POU5F1B: variants seen among roughly 807,000 people sequenced by gnomAD.
POU5F1B encodes the protein POU domain, class 5, transcription factor 1B.
A neutral mutation model predicts 28.1 loss-of-function variants in POU5F1B; 24 were observed. The observed-to-expected ratio is 0.85, with a 90% CI of 0.62 to 1.20. POU5F1B has a LOEUF of 1.20. Among genes scored for constraint, POU5F1B ranks in the 50% most tolerant of loss-of-function variants. The pLI, the probability that POU5F1B is intolerant of heterozygous loss-of-function variation, is 0.00. For missense variants in POU5F1B, 451 were observed against 451.5 expected, an observed-to-expected ratio of 1.00 and a Z score of 0.01; for synonymous variants, 220 against 193.2, an observed-to-expected ratio of 1.14 and a Z score of -1.15.
chr8:127,414,043 G>A (rs1044504739), intron 1 of POU5F1B, among the ~76,000 whole-genome samples: 19 of 152,196 alleles, frequency 1.2e-4, no homozygotes, highest in African/African-American at 4.6e-4. Flanking sequence ...ACAGAATTGA[G>A]CAGAAAGTTA....
chr8:127,416,721 G>A (rs1250286478), exon 3 of POU5F1B: 2 of 1,609,684 alleles, frequency 1.2e-6, no homozygotes, highest in Non-Finnish European at 8.5e-7. Context: ...AGAAGGGCAA[G>A]CGATCAAGCA....
rs1282074605 is a variant in POU5F1B, at chr8:127,415,998, G to A, written c.132G>A (p.Gly44=). ...TAAGCTTCCAAGGCCCTCCTGGAGG[G>A]CCAGGAATCGGGCCGGGGGTTGGGC... Residue 44 remains glycine (G), a synonymous_variant, in exon 3 of 3, where the codon GGG becomes GGA. Transcript: ENST00000465342. 3.1e-6 allele frequency: 5 copies of A among 1,592,620 alleles called. No homozygotes were observed. The African/African-American group carries it at 4.0e-5, about 13-fold the overall frequency.
chr8:127,416,555 G>C (rs1169220192), exon 3 of POU5F1B: 7 of 1,606,034 alleles, frequency 4.4e-6, no homozygotes, highest in Non-Finnish European at 6.0e-6. Flanking sequence ...ATGCAGGCCC[G>C]AAAGAGAAAG....
chr8:127,417,075 G>A, exon 3 of POU5F1B: 3 of 1,316,788 alleles, frequency 2.3e-6, no homozygotes, highest in Non-Finnish European at 3.1e-6. Flanking sequence ...AACACTAAGG[G>A]TGGGGGCAGG....
At chr8:127,416,029 T>A in exon 3 of POU5F1B, 1 of 1,604,412 alleles carries the variant, frequency 6.2e-7, no homozygotes, top group Non-Finnish European at 8.5e-7. Flanking sequence ...TGGGCCAGGC[T>A]CTGAGGTGTG....
chr8:127,416,684 T>C (rs761530890), exon 3 of POU5F1B: 1 of 1,607,722 alleles, frequency 6.2e-7, no homozygotes, highest in Non-Finnish European at 8.5e-7. Context: ...AAGGATGTGG[T>C]CCGAGTGTGG....
rs1210806506 is a variant in POU5F1B, at chr8:127,415,886, C to A, written c.20C>A (p.Ser7Ter). The A allele has an allele frequency of 6.5e-7, 1 of 1,532,208 alleles. No individual in the cohort carries two copies. The highest frequency in any genetic ancestry group is 8.8e-7 in the Non-Finnish European group (1 of 1,138,636). 94.9% of individuals were successfully genotyped at this position (1,532,208 alleles called of 1,614,324 possible). A position where few individuals can be genotyped will look rare whatever the true frequency, so the allele number is the denominator to read the frequency against. The change falls in exon 3 of 3, where the codon TCG (serine) becomes TAG (stop). Residue 7 changes from serine (S) to a stop codon, truncating the protein, a stop_gained. Coordinates refer to ENST00000465342, the Ensembl canonical transcript of POU5F1B. LOFTEE classifies it high-confidence loss of function. ...TTCCCCATGGCGGGACACCTGGCTT[C>A]GGATTTCGCCTTCTCGCCCCCTCCA... is the stretch of plus-strand genomic sequence containing the variant.
exon 3 of POU5F1B, chr8:127,416,506 A>G (rs13274084): frequency 0.12 from 187,475 of 1,608,496 alleles, 11,982 homozygotes; most frequent in Middle Eastern, 0.16. Context: ...AGCTGACAAC[A>G]ATGAAAATCT....
At chr8:127,416,815 C>G (rs1345399204) in exon 3 of POU5F1B, 1 of 1,605,458 alleles carries the variant, frequency 6.2e-7, no homozygotes, top group African/African-American at 1.3e-5. Flanking sequence ...GGCCCCAGGG[C>G]CCCATTTTGG....
chr8:127,416,104 G>A (rs1815131621), exon 3 of POU5F1B: 1 of 1,613,326 alleles, frequency 6.2e-7, no homozygotes, highest in Non-Finnish European at 8.5e-7. Flanking sequence ...TGGGCCTCAG[G>A]TTGGAGTGGG....
At position 127,413,857 on chromosome 8, in the gene POU5F1B, TACACACACAC is replaced by T. The variant is rs3999776; in HGVS notation, c.-559-1017_-559-1008del. 2.9e-3 allele frequency among the ~76,000 whole-genome samples: 439 copies of T among 150,706 alleles called. 2 individuals are homozygous for T. The highest frequency in any genetic ancestry group is 9.9e-3 in the African/African-American group (407 of 41,088). On this transcript the variant is annotated intron_variant, in intron 1 of 2. Transcript: ENST00000465342. Reference sequence around the variant, plus strand: ...TTTTGTGCTTCTTAAAAAAAGGTGGTACACACACACACACACACACACAACACCCGATATA... The same window carrying T: ...TTTTGTGCTTCTTAAAAAAAGGTGGTACACACACACACAACACCCGATATA...
chr8:127,413,857 T>TACACACACACAC (rs3999776), intron 1 of POU5F1B, among the ~76,000 whole-genome samples: 249 of 150,704 alleles, frequency 1.7e-3, no homozygotes, highest in African/African-American at 5.7e-3. Context: ...AAAAAGGTGG[T>TACACACACACAC]ACACACACAC....
exon 3 of POU5F1B, chr8:127,416,063 C>T: frequency 6.2e-7 from 1 of 1,611,618 alleles, no homozygotes; most frequent in Non-Finnish European, 8.5e-7. Flanking sequence ...TGCCCCCCGC[C>T]GTATGAGTTA....
chr8:127,416,008 G>A (rs76449652), exon 3 of POU5F1B: 8 of 1,596,798 alleles, frequency 5.0e-6, no homozygotes, highest in South Asian at 2.3e-5. Flanking sequence ...GCCAGGAATC[G>A]GGCCGGGGGT....
chr8:127,416,052 T>A (rs3211306), exon 3 of POU5F1B: 1 of 1,609,428 alleles, frequency 6.2e-7, no homozygotes. Flanking sequence ...GGATTCCCCC[T>A]TGCCCCCCGC....
chr8:127,413,926 TAGTC>T (rs572870215), intron 1 of POU5F1B, among the ~76,000 whole-genome samples: 43 of 152,258 alleles, frequency 2.8e-4, no homozygotes, highest in Admixed American at 2.4e-3. Context: ...AGAAATATTT[TAGTC>T]AGGTCTAAAG....
intron 1 of POU5F1B, among the ~76,000 whole-genome samples, chr8:127,413,685 T>G (rs1030015611): frequency 6.6e-6 from 1 of 152,242 alleles, no homozygotes; most frequent in African/African-American, 2.4e-5. Flanking sequence ...ACGATTTTCA[T>G]GGTTCAAATC....
chr8:127,416,139 G>A, exon 3 of POU5F1B: 2 of 1,613,706 alleles, frequency 1.2e-6, no homozygotes, highest in African/African-American at 1.3e-5. Context: ...GCGGCTTGGA[G>A]ACCTCTCAGC....
At chr8:127,417,121 T>G (rs1270996985) in exon 3 of POU5F1B, 1 of 856,846 alleles carries the variant, frequency 1.2e-6, no homozygotes, top group Admixed American at 2.9e-5. Flanking sequence ...GAAGGTGAAG[T>G]TCAATGATGC....
Sources: gnomAD v4.1 joint callset for allele counts (sites outside exome capture counted in the v4.1 genomes callset) on GRCh38, gnomAD v4.1.1 for gene constraint, MANE v1.5 for transcripts, NCBI Gene and HGNC (gene_info 2026-07-23, HGNC 2026-07-21) for gene names.